SGF29: variants seen among roughly 807,000 people sequenced by gnomAD.
SGF29 encodes the protein SAGA complex associated factor 29.
In SGF29, 15 loss-of-function variants were observed where a neutral mutation model predicts 38.1. The ratio of observed to expected loss-of-function variants is 0.39; its 90% CI spans 0.26 to 0.61. The LOEUF (loss-of-function observed/expected upper bound fraction) is 0.61, where lower values mean the gene tolerates loss of function less well. SGF29 is among the 20% of genes least tolerant of loss of function. The pLI is 0.49. For synonymous variants in SGF29, 151 were observed against 160.8 expected (o/e 0.94, Z 0.46); for missense variants, 184 against 394.6 (o/e 0.47, Z 4.52).
chr16:28,577,445 C>T (rs1280301622), intron 1 of SGF29, among the ~76,000 whole-genome samples: 1 of 151,864 alleles, frequency 6.6e-6, no homozygotes, highest in Non-Finnish European at 1.5e-5. Context: ...TTCGGCTATT[C>T]TGGATATTTC....
At chr16:28,589,278 C>T in intron 5 of SGF29, 114 bp downstream of exon 5, 1 of 1,044,752 alleles carries the variant, frequency 9.6e-7, no homozygotes, top group South Asian at 1.3e-5. Context: ...GGCATCCTCC[C>T]ATGGAGGCTC....
chr16:28,582,669 C>T (rs1030056178), intron 2 of SGF29, among the ~76,000 whole-genome samples: 8 of 152,222 alleles, frequency 5.3e-5, no homozygotes, highest in South Asian at 2.1e-4. Flanking sequence ...AAGGGCTGGG[C>T]GTGGTAACTC....
chr16:28,579,826 G>C (rs2046915371), intron 1 of SGF29, among the ~76,000 whole-genome samples: 1 of 151,884 alleles, frequency 6.6e-6, no homozygotes, highest in Non-Finnish European at 1.5e-5. Flanking sequence ...AGCTACTCAG[G>C]AGGCTGAGGC....
At chr16:28,572,038 G>A (rs1041641355) in intron 1 of SGF29, among the ~76,000 whole-genome samples, 1 of 152,194 alleles carries the variant, frequency 6.6e-6, no homozygotes, top group Non-Finnish European at 1.5e-5. Context: ...GGAGTGCAGT[G>A]GCACAATCTC....
intron 1 of SGF29, among the ~76,000 whole-genome samples, chr16:28,561,928 T>C (rs1315311172): frequency 1.3e-5 from 2 of 152,186 alleles, no homozygotes; most frequent in African/African-American, 4.8e-5. Context: ...TTGCTTCTAC[T>C]TAGAACATGT....
chr16:28,587,966 A>C (rs934032905), intron 4 of SGF29, among the ~76,000 whole-genome samples: 2 of 151,908 alleles, frequency 1.3e-5, no homozygotes, highest in South Asian at 2.1e-4. Context: ...CGCCGGGCTA[A>C]TTTTTGTATT....
At chr16:28,558,110 C>A (rs1331809728) in intron 1 of SGF29, among the ~76,000 whole-genome samples, 2 of 129,776 alleles carry the variant, frequency 1.5e-5, no homozygotes, top group South Asian at 5.0e-4. Flanking sequence ...CACCTGGGTA[C>A]TTTTTTTTTT....
intron 9 of SGF29, 48 bp from the exon 10 acceptor site, chr16:28,591,542 C>A (rs770609951): frequency 7.2e-6 from 10 of 1,385,466 alleles, no homozygotes; most frequent in East Asian, 4.6e-5. Context: ...GGTGCCTGTC[C>A]TGGCCTGGGG....
At position 28,559,709 on chromosome 16, in the gene SGF29, C is replaced by A. The variant is rs193620; in HGVS notation, c.-16+5612C>A. 9.5e-3 allele frequency among the ~76,000 whole-genome samples: 1,449 copies of A among 152,216 alleles called. 52 individuals carry two copies. In the East Asian group the frequency reaches 0.11, roughly 12 times the overall value. On this transcript the variant is annotated intron_variant, in intron 1 of 9. Transcript: ENST00000317058. ...TGTTATTTTAAAAAGTCTGCCTAAA[C>A]CTCTGAACTAGACAAACATGGGGCA...
At chr16:28,571,192 C>T (rs925931005) in intron 1 of SGF29, among the ~76,000 whole-genome samples, 2 of 152,076 alleles carry the variant, frequency 1.3e-5, no homozygotes, top group Admixed American at 6.6e-5. Flanking sequence ...CCCCTTCTGC[C>T]ATGTTGAGAA....
intron 2 of SGF29, among the ~76,000 whole-genome samples, chr16:28,581,962 T>C (rs1758842372): frequency 1.3e-5 from 2 of 152,050 alleles, no homozygotes. Context: ...TATCTTTTCT[T>C]TCACAGATAC....
At chr16:28,557,758 G>A (rs2046761419) in intron 1 of SGF29, among the ~76,000 whole-genome samples, 1 of 152,102 alleles carries the variant, frequency 6.6e-6, no homozygotes, top group Non-Finnish European at 1.5e-5. Flanking sequence ...CAGACTCAAT[G>A]GATTGATTGG....
chr16:28,586,938 C>G (rs1277004858), intron 4 of SGF29, among the ~76,000 whole-genome samples: 1 of 152,182 alleles, frequency 6.6e-6, no homozygotes, highest in African/African-American at 2.4e-5. Flanking sequence ...GCCTCAAACT[C>G]CTGGCCTCAA....
At chr16:28,581,539 ACT>A (rs774420004) in intron 2 of SGF29, among the ~76,000 whole-genome samples, 12 of 150,488 alleles carry the variant, frequency 8.0e-5, no homozygotes, top group Admixed American at 1.3e-4. Context: ...AAACAAAAAC[ACT>A]CTTTTTTTTT....
rs142893579 is a variant in SGF29, at chr16:28,591,673, C to G, written c.849C>G (p.Tyr283Ter). ...CTCCCCTCAATGTGGCTCAGAGATA[C>G]GTGGTGGCTTGTAAGGAACCCAAGA... The part of the protein sequence containing the change: ...YSPPLNVAQR[Y>*]VVACKEPKKK The change falls in exon 10 of 10, where the codon TAC (tyrosine) becomes TAG (stop). Residue 283 changes from tyrosine to a stop codon, truncating the protein, a stop_gained. Transcript: ENST00000317058. LOFTEE classifies it high-confidence loss of function. The G allele has an allele frequency of 6.2e-7, 1 of 1,613,930 alleles. No homozygotes were observed. Among genetic ancestry groups the G allele is most frequent in the East Asian group, 2.2e-5 (1 of 44,872 alleles).
chr16:28,560,441 T>G (rs2046779748), intron 1 of SGF29, among the ~76,000 whole-genome samples: 1 of 150,390 alleles, frequency 6.6e-6, no homozygotes, highest in Non-Finnish European at 1.5e-5. Flanking sequence ...ATACTAAAAT[T>G]AGCTGGACGT....
At chr16:28,567,082 T>C (rs1380599941) in intron 1 of SGF29, among the ~76,000 whole-genome samples, 1 of 152,224 alleles carries the variant, frequency 6.6e-6, no homozygotes, top group South Asian at 2.1e-4. Flanking sequence ...TTTAAAAATA[T>C]TATTTTTTTA....
intron 1 of SGF29, among the ~76,000 whole-genome samples, chr16:28,565,285 G>A (rs2046829495): frequency 6.6e-6 from 1 of 152,102 alleles, no homozygotes; most frequent in African/African-American, 2.4e-5. Context: ...CAGGAACAGC[G>A]CTTCACCAGC....
intron 1 of SGF29, among the ~76,000 whole-genome samples, chr16:28,564,689 A>ATATATATGTATATATATGTG (rs2046819753): frequency 1.2e-5 from 1 of 80,820 alleles, no homozygotes; most frequent in African/African-American, 5.4e-5. Context: ...ATATATGTGT[A>ATATATATGTATATATATGTG]TATATATGTA....
Sources: allele counts gnomAD v4.1 joint callset (sites outside exome capture counted in the v4.1 genomes callset), GRCh38; gene constraint gnomAD v4.1.1; transcripts MANE v1.5; gene names NCBI Gene and HGNC (gene_info 2026-07-23, HGNC 2026-07-21).